Variants in CD200R1L observed in about 807,000 individuals in gnomAD.
CD200R1L encodes the protein cell surface glycoprotein CD200 receptor 2.
In CD200R1L, 14 loss-of-function variants were observed where a neutral mutation model predicts 24.8. The ratio of observed to expected loss-of-function variants is 0.56; its 90% CI spans 0.37 to 0.88. The LOEUF (loss-of-function observed/expected upper bound fraction) is 0.88, where lower values mean the gene tolerates loss of function less well. Ranked by LOEUF, CD200R1L falls within the 40% of genes least tolerant of loss-of-function variation. The probability of loss-of-function intolerance (pLI) is 0.00; values close to 1 mark genes in which losing one functional copy is unlikely to be tolerated. For synonymous variants in CD200R1L, 111 were observed against 109.2 expected (o/e 1.02, Z -0.11); for missense variants, 299 against 297.8 (o/e 1.00, Z -0.03).
chr3:112,829,349 T>C lies in CD200R1L; in HGVS notation c.19A>G (p.Thr7Ala), dbSNP rs1559923151. MGGKQMTQNYSTIFAEG... is the reference protein window; with the variant it reads MGGKQMAQNYSTIFAEG... ...GCAAAAATTGTTGAATAGTTCTGTG[T>C]CATCTGCTTTCCACCCATGCATGAA... The change falls in exon 4 of 8, where the codon ACA becomes GCA. Residue 7 changes from threonine to alanine, a missense_variant. Coordinates refer to ENST00000488794, the MANE Select transcript of CD200R1L (RefSeq NM_001199215.3). The C allele has an allele frequency of 6.2e-7, 1 of 1,614,106 alleles. No homozygotes were observed. Among genetic ancestry groups the C allele is most frequent in the Non-Finnish European group, 8.5e-7 (1 of 1,179,930 alleles).
At chr3:112,824,562 T>A (rs1559921343) in intron 6 of CD200R1L, among the ~76,000 whole-genome samples, 1 of 152,112 alleles carries the variant, frequency 6.6e-6, no homozygotes, top group Non-Finnish European at 1.5e-5. Context: ...TGGACAAAGA[T>A]GGAATACATA....
chr3:112,838,332 T>C (rs1939004741), intron 2 of CD200R1L, among the ~76,000 whole-genome samples: 1 of 152,138 alleles, frequency 6.6e-6, no homozygotes, highest in Non-Finnish European at 1.5e-5. Context: ...AAGAGTTCAA[T>C]GCAGGGCCCA....
chr3:112,830,098 C>T (rs547884198), intron 3 of CD200R1L, among the ~76,000 whole-genome samples: 9 of 152,190 alleles, frequency 5.9e-5, no homozygotes, highest in South Asian at 4.1e-4. Flanking sequence ...AGGGTCACTT[C>T]GGGGGAACTG....
intron 6 of CD200R1L, among the ~76,000 whole-genome samples, chr3:112,826,618 G>T (rs538007048): frequency 6.6e-6 from 1 of 152,000 alleles, no homozygotes; most frequent in Non-Finnish European, 1.5e-5. Context: ...ATGATGAGAC[G>T]GGAAGAATTA....
rs1938686531 is a variant in CD200R1L at position 112,827,349 on chromosome 3, G to A, written c.367+18C>T. 1 of 1,607,182 alleles carries A rather than the reference G, an allele frequency of 6.2e-7. No homozygotes were observed. The highest frequency in any genetic ancestry group is 1.7e-5 in the Admixed American group (1 of 59,520). On this transcript the variant is annotated intron_variant, in intron 5 of 7. Coordinates refer to ENST00000488794, the MANE Select transcript of CD200R1L (RefSeq NM_001199215.3). ...AAATCTGGTGATGTGAAATACCTCA[G>A]TATGTGATGCTCCTTACCTAACACT...
Position 112,845,738 on chromosome 3 carries a change from T to A in CD200R1L, c.-146A>T. The stretch of plus-strand genomic sequence containing the variant: ...TGGAGCTGACATCTTCCCTAAAGTA[T>A]GCTTTTGGAGTGGTTTTCTACTTAA... On this transcript the variant is annotated 5_prime_UTR_variant, in exon 2 of 8. Transcript: ENST00000488794. 1 of 1,611,420 alleles carries A rather than the reference T, an allele frequency of 6.2e-7. No individual in the cohort carries two copies.
chr3:112,832,648 A>G (rs987632717), intron 3 of CD200R1L, among the ~76,000 whole-genome samples: 1 of 152,120 alleles, frequency 6.6e-6, no homozygotes, highest in East Asian at 1.9e-4. Context: ...ATCAATGCAA[A>G]ATTACCAAAG....
rs529672718 is a variant in CD200R1L at position 112,821,257 on chromosome 3, C to T, written c.617-1362G>A. On this transcript the variant is annotated intron_variant, in intron 6 of 7. Transcript: ENST00000488794. Reference sequence around the variant, plus strand: ...AATAAGAAAATGATATGGTTACAGTCCTCAAAATATCTTATAATCCAACTG... The same window carrying T: ...AATAAGAAAATGATATGGTTACAGTTCTCAAAATATCTTATAATCCAACTG... 5.3e-5 allele frequency among the ~76,000 whole-genome samples: 8 copies of T among 152,118 alleles called. No homozygotes were observed. The South Asian group carries it at 1.0e-3, about 20-fold the overall frequency.
In CD200R1L at chr3:112,834,563, A is replaced by G. The variant is rs537891178; in HGVS notation, c.-18+3379T>C. ...ATTTAAGCCTGATCATCATGAGACA[A>G]TAGTGCTATGGGATCTTTGGGATGT... On this transcript the variant is annotated intron_variant, in intron 3 of 7. Transcript: ENST00000488794. 3.3e-5 allele frequency among the ~76,000 whole-genome samples: 5 copies of G among 152,290 alleles called. No individual in the cohort carries two copies. The South Asian group carries it at 1.0e-3, about 32-fold the overall frequency.
intron 1 of CD200R1L, 122 bp from the exon 2 acceptor site, chr3:112,846,072 A>G (rs1412441646): frequency 1.0e-5 from 2 of 194,078 alleles, no homozygotes; most frequent in African/African-American, 4.7e-5. Context: ...TATAAATTAC[A>G]TATGGTAAAA....
Position 112,827,169 on chromosome 3 carries a change from G to A in CD200R1L, c.440C>T (p.Ala147Val), listed in dbSNP as rs371039716. The A allele has an allele frequency of 1.4e-5, 23 of 1,613,534 alleles. No individual in the cohort carries two copies. The highest frequency in any genetic ancestry group is 1.9e-5 in the Non-Finnish European group (23 of 1,180,014). Reference protein sequence around the residue: ...AVCKAVTGKPAAQISWIPEGS... With the variant: ...AVCKAVTGKPVAQISWIPEGS... ...CTCTGGGATCCAGGAGATCTGGGCAGCTGGCTTCCCTGTAACTGCCTTGCA... is the reference window on the plus strand; with the variant it reads ...CTCTGGGATCCAGGAGATCTGGGCAACTGGCTTCCCTGTAACTGCCTTGCA... Residue 147 changes from alanine to valine, a missense_variant, in exon 6 of 8, where the codon GCT becomes GTT. Coordinates refer to ENST00000488794, the MANE Select transcript of CD200R1L (RefSeq NM_001199215.3).
intron 6 of CD200R1L, among the ~76,000 whole-genome samples, chr3:112,822,671 T>C (rs577571138): frequency 1.3e-5 from 2 of 152,292 alleles, no homozygotes; most frequent in South Asian, 4.1e-4. Flanking sequence ...CACTTTACAA[T>C]AAATTAGTAA....
At chr3:112,828,111 T>G (rs911952387) in intron 4 of CD200R1L, among the ~76,000 whole-genome samples, 1 of 152,230 alleles carries the variant, frequency 6.6e-6, no homozygotes, top group Non-Finnish European at 1.5e-5. Context: ...GAAAATGGAA[T>G]AACTAGTGAT....
chr3:112,828,769 G>A (rs769409199), intron 4 of CD200R1L, among the ~76,000 whole-genome samples: 8 of 152,028 alleles, frequency 5.3e-5, no homozygotes, highest in Non-Finnish European at 1.0e-4. Flanking sequence ...CCAACACAAT[G>A]TTTCCACAAC....
chr3:112,845,720 G>C lies in CD200R1L; in HGVS notation c.-128C>G, dbSNP rs368557186. ...GATGGAAATCAGTAATCTTGGAGCT[G>C]ACATCTTCCCTAAAGTATGCTTTTG... On this transcript the variant is annotated 5_prime_UTR_variant, in exon 2 of 8. The change creates a premature stop within an existing upstream ORF in the 5' untranslated region. Transcript: ENST00000488794. 2.5e-6 allele frequency: 4 copies of C among 1,612,852 alleles called. No individual in the cohort carries two copies. The South Asian group carries it at 4.4e-5, about 18-fold the overall frequency.
At chr3:112,824,638 T>C (rs2107334742) in intron 6 of CD200R1L, among the ~76,000 whole-genome samples, 1 of 152,244 alleles carries the variant, frequency 6.6e-6, no homozygotes, top group Non-Finnish European at 1.5e-5. Flanking sequence ...AAAAGTTGAC[T>C]GAAAGTTAAG....
chr3:112,833,459 G>GGCATGCTAC (rs537464254), intron 3 of CD200R1L, among the ~76,000 whole-genome samples: 1,589 of 152,278 alleles, frequency 0.01, 15 homozygotes, highest in Non-Finnish European at 0.012. Context: ...AATAGCTCAT[G>GGCATGCTAC]GCATGCTACG....
chr3:112,820,250 C>T (rs533933789), intron 6 of CD200R1L, among the ~76,000 whole-genome samples: 2 of 152,270 alleles, frequency 1.3e-5, no homozygotes, highest in South Asian at 4.1e-4. Context: ...GAACATTACT[C>T]TTAATATTTG....
chr3:112,829,457 A>C, intron 3 of CD200R1L, 73 bp from the exon 4 acceptor site: 1 of 1,400,428 alleles, frequency 7.1e-7, no homozygotes, highest in Non-Finnish European at 1.0e-6. Flanking sequence ...GTTTCCCCAC[A>C]GTCTTACTCA....
Sources: gnomAD v4.1 joint callset for allele counts (sites outside exome capture counted in the v4.1 genomes callset) on GRCh38, gnomAD v4.1.1 for gene constraint, MANE v1.5 for transcripts, NCBI Gene and HGNC (gene_info 2026-07-23, HGNC 2026-07-21) for gene names.